PTK2: variants seen among roughly 807,000 people sequenced by gnomAD.
PTK2 encodes focal adhesion kinase 1.
Under a neutral mutation model 150.1 loss-of-function variants are expected in PTK2, and 45 were observed. The observed-to-expected ratio is 0.30, with a 90% CI of 0.24 to 0.38. The LOEUF is 0.38. Ranked by LOEUF, PTK2 falls within the 10% of genes least tolerant of loss-of-function variation. The pLI is 1.00. For missense variants in PTK2, 919 were observed against 1,307.3 expected (o/e 0.70, Z 4.58); for synonymous variants, 432 against 449.2 (o/e 0.96, Z 0.48).
At chr8:140,996,377 C>G (rs140233605) in intron 1 of PTK2, among the ~76,000 whole-genome samples, 2 of 152,300 alleles carry the variant, frequency 1.3e-5, no homozygotes, top group African/African-American at 4.8e-5. Flanking sequence ...AGCAAGTTAT[C>G]GAGAAGATCT....
exon 29 of PTK2, chr8:140,674,350 C>A: frequency 6.2e-7 from 1 of 1,607,962 alleles, no homozygotes; most frequent in Non-Finnish European, 8.5e-7. Context: ...GGCAAGGCTT[C>A]CCAGATGACC....
chr8:140,987,709 T>A (rs2100193847), intron 1 of PTK2, among the ~76,000 whole-genome samples: 1 of 152,146 alleles, frequency 6.6e-6, no homozygotes, highest in African/African-American at 2.4e-5. Context: ...CTGGTGGGAA[T>A]GCAAAATGGT....
chr8:140,727,050 AT>A (rs2154344131), intron 22 of PTK2, among the ~76,000 whole-genome samples: 2 of 152,322 alleles, frequency 1.3e-5, no homozygotes, highest in East Asian at 3.9e-4. Flanking sequence ...GTATACTGTA[AT>A]TCCCAGAGCA....
At chr8:140,730,902 T>G (rs2100048790) in intron 22 of PTK2, among the ~76,000 whole-genome samples, 2 of 151,558 alleles carry the variant, frequency 1.3e-5, no homozygotes, top group Admixed American at 6.6e-5. Context: ...ATGGTTTCCC[T>G]GTCATAGTAC....
intron 18 of PTK2, 153 bp downstream of exon 21, chr8:140,746,607 A>C (rs1437719364): frequency 1.9e-6 from 1 of 536,030 alleles, no homozygotes; most frequent in African/African-American, 2.0e-5. Flanking sequence ...GAAGATATTT[A>C]TACCCATATT....
intron 1 of PTK2, chr8:140,948,648 TGATA>T (rs2100178495): frequency 6.6e-6 from 1 of 152,078 alleles, no homozygotes; most frequent in African/African-American, 2.4e-5. Context: ...AAGTCACAAA[TGATA>T]AAGTTTAACA....
At chr8:140,856,545 T>C (rs1371867737) in intron 5 of PTK2, among the ~76,000 whole-genome samples, 1 of 152,104 alleles carries the variant, frequency 6.6e-6, no homozygotes, top group Non-Finnish European at 1.5e-5. Flanking sequence ...ACATAATCTG[T>C]TTATAAGAAA....
At chr8:140,874,901 A>C (rs1275774184) in intron 4 of PTK2, among the ~76,000 whole-genome samples, 3 of 152,192 alleles carry the variant, frequency 2.0e-5, no homozygotes, top group African/African-American at 7.2e-5. Flanking sequence ...TTTTCATTCA[A>C]ATATTGCTTA....
Position 140,779,576 on chromosome 8 carries a change from G to A in PTK2, c.1177+9898C>T, listed in dbSNP as rs73714749. On this transcript the variant is annotated intron_variant, in intron 14 of 31. Coordinates refer to ENST00000522684, the Ensembl canonical transcript of PTK2. ...GTGCCCTCCAGAGTTTTAGTTAGAG[G>A]AAGGTGACAAAGAGGAATATATAGA... Among the ~76,000 whole-genome samples the A allele has an allele frequency of 1.0e-3, 159 of 152,240 alleles. 1 individual carries two copies. Among genetic ancestry groups the A allele is most frequent in the African/African-American group, 3.7e-3 (154 of 41,540 alleles).
rs561601228 is a variant in PTK2, at chr8:140,851,268, G to T, written c.451-4590C>A. ...TAAAAATATACAAATGAACAATTAC[G>T]CTACCTTAATGAGTTATATACTTTT... On this transcript the variant is annotated intron_variant, in intron 5 of 31. Coordinates refer to ENST00000522684, the Ensembl canonical transcript of PTK2. 5.9e-5 allele frequency among the ~76,000 whole-genome samples: 9 copies of T among 152,118 alleles called. No individual in the cohort carries two copies. In the South Asian group the frequency reaches 1.9e-3, roughly 32 times the overall value.
chr8:140,684,226 G>A (rs1008629513), intron 27 of PTK2, among the ~76,000 whole-genome samples: 4 of 152,196 alleles, frequency 2.6e-5, no homozygotes, highest in African/African-American at 4.8e-5. Context: ...GGGATGGGGT[G>A]GGGGATGGTT....
At chr8:140,663,241 T>C (rs191385977) in intron 31 of PTK2, among the ~76,000 whole-genome samples, 1 of 124,884 alleles carries the variant, frequency 8.0e-6, no homozygotes, top group Non-Finnish European at 1.8e-5. Context: ...TGTACACACA[T>C]AGACAATGGA....
intron 30 of PTK2, among the ~76,000 whole-genome samples, chr8:140,667,545 C>A (rs1319020325): frequency 6.6e-6 from 1 of 151,814 alleles, no homozygotes; most frequent in Non-Finnish European, 1.5e-5. Context: ...AAGTGATCTG[C>A]CTGCCTCAGC....
intron 4 of PTK2, among the ~76,000 whole-genome samples, chr8:140,865,626 A>T (rs989489287): frequency 6.6e-6 from 1 of 152,244 alleles, no homozygotes; most frequent in Non-Finnish European, 1.5e-5. Flanking sequence ...ATTAAAATAC[A>T]AAATTGCCAA....
At chr8:140,818,736 T>A in intron 9 of PTK2, 144 bp downstream of exon 9, 1 of 964,134 alleles carries the variant, frequency 1.0e-6, no homozygotes, top group Non-Finnish European at 1.5e-6. Context: ...TTTCTATTTT[T>A]CACATGGTAA....
At chr8:140,802,262 A>G (rs1317334754) in intron 11 of PTK2, among the ~76,000 whole-genome samples, 1 of 152,094 alleles carries the variant, frequency 6.6e-6, no homozygotes, top group Non-Finnish European at 1.5e-5. Context: ...GACCCTGTGT[A>G]GGCCTAGGCT....
intron 26 of PTK2, among the ~76,000 whole-genome samples, chr8:140,699,406 G>T (rs1351545684): frequency 6.6e-6 from 1 of 152,156 alleles, no homozygotes; most frequent in Non-Finnish European, 1.5e-5. Context: ...ACAGGGACCA[G>T]GAGTCTAAAA....
At chr8:140,968,341 A>G (rs927531681) in intron 1 of PTK2, among the ~76,000 whole-genome samples, 2 of 152,224 alleles carry the variant, frequency 1.3e-5, no homozygotes, top group African/African-American at 4.8e-5. Context: ...AAATAACTAC[A>G]CTGTTAGGAA....
chr8:140,787,378 G>C (rs1380669206), intron 14 of PTK2, among the ~76,000 whole-genome samples: 1 of 152,186 alleles, frequency 6.6e-6, no homozygotes, highest in Non-Finnish European at 1.5e-5. Flanking sequence ...AGGACTAAAT[G>C]AGATGATACA....
Sources: allele counts gnomAD v4.1 joint callset (sites outside exome capture counted in the v4.1 genomes callset), GRCh38; gene constraint gnomAD v4.1.1; transcripts MANE v1.5; gene names NCBI Gene and HGNC (gene_info 2026-07-23, HGNC 2026-07-21).